KLF12: variants seen among roughly 807,000 people sequenced by gnomAD.
The protein encoded by KLF12 is KLF transcription factor 12.
In KLF12, 9 loss-of-function variants were observed where a neutral mutation model predicts 37.8. That is an observed-to-expected ratio of 0.24 (90% CI 0.14 to 0.42). The LOEUF is 0.42. Ranked by LOEUF, KLF12 falls within the 10% of genes least tolerant of loss-of-function variation. The pLI is 1.00. For synonymous variants in KLF12, 208 were observed against 202.1 expected (o/e 1.03, Z -0.25); for missense variants, 411 against 516.0 (o/e 0.80, Z 1.97).
At chr13:74,131,102 C>G (rs1367321363) in intron 1 of KLF12, among the ~76,000 whole-genome samples, 2 of 152,156 alleles carry the variant, frequency 1.3e-5, no homozygotes, top group African/African-American at 2.4e-5. Flanking sequence ...GGCCTAGAGG[C>G]CTAAGCACTT....
chr13:73,860,660 C>T (rs968289038), intron 3 of KLF12, among the ~76,000 whole-genome samples: 4 of 152,144 alleles, frequency 2.6e-5, no homozygotes, highest in African/African-American at 9.7e-5. Flanking sequence ...AGAAGGATCA[C>T]TTGAGCCCAG....
the KLF12 span, among the ~76,000 whole-genome samples, chr13:74,267,545 G>A: frequency 2.0e-5 from 3 of 152,194 alleles, no homozygotes; most frequent in African/African-American, 7.2e-5. Context: ...TCTCATGGAG[G>A]TAGAGAGTAG....
the KLF12 span, among the ~76,000 whole-genome samples, chr13:74,277,012 G>T: frequency 1.3e-5 from 2 of 152,274 alleles, no homozygotes; most frequent in South Asian, 4.1e-4. Flanking sequence ...TGGGCCTCTG[G>T]TATGTTTCTT....
At chr13:73,707,323 C>G (rs1225756308) in intron 7 of KLF12, among the ~76,000 whole-genome samples, 1 of 152,122 alleles carries the variant, frequency 6.6e-6, no homozygotes, top group Non-Finnish European at 1.5e-5. Flanking sequence ...AAAAAGAAAA[C>G]CTGAGATTCA....
intron 6 of KLF12, among the ~76,000 whole-genome samples, chr13:73,718,308 C>G (rs79017526): frequency 0.013 from 1,945 of 152,276 alleles, 34 homozygotes; most frequent in African/African-American, 0.044. Context: ...TCGGGCAACA[C>G]AGCCCATCAA....
the KLF12 span, among the ~76,000 whole-genome samples, chr13:74,260,138 T>TCA: frequency 2.6e-5 from 4 of 151,472 alleles, no homozygotes; most frequent in Non-Finnish European, 5.9e-5. Context: ...ACACACACAC[T>TCA]CACACACACA....
chr13:73,879,430 CA>C (rs1886874608), intron 3 of KLF12, among the ~76,000 whole-genome samples: 1 of 152,022 alleles, frequency 6.6e-6, no homozygotes, highest in Admixed American at 6.5e-5. Context: ...GAAAACATAA[CA>C]AAAGGTAAGT....
rs189548395 is a variant in KLF12 at position 73,846,290 on chromosome 13, C to T, written c.207G>A (p.Ser69=). The change falls in exon 4 of 8, where the codon TCG becomes TCA. Residue 69 remains serine (S), a synonymous_variant. Coordinates refer to ENST00000377669, the MANE Select transcript of KLF12 (RefSeq NM_007249.5). ...GTGTTTGGAAGTGATCTACAGATAA[C>T]GAGTCCTCCGGGGGCTCCCCTTTCA... 378 of 1,614,040 alleles carry T rather than the reference C, an allele frequency of 2.3e-4. No individual in the cohort carries two copies. Among genetic ancestry groups the T allele is most frequent in the Non-Finnish European group, 3.0e-4 (354 of 1,179,984 alleles).
At chr13:74,170,728 A>G in the KLF12 span, among the ~76,000 whole-genome samples, 3 of 152,234 alleles carry the variant, frequency 2.0e-5, no homozygotes, top group African/African-American at 7.2e-5. Context: ...TGAGAGAGCC[A>G]ATAAATAAAT....
chr13:74,283,315 A>T, the KLF12 span, among the ~76,000 whole-genome samples: 1 of 152,236 alleles, frequency 6.6e-6, no homozygotes, highest in Non-Finnish European at 1.5e-5. Flanking sequence ...ATTACTAAAA[A>T]TACTAGGAAG....
chr13:74,299,353 G>A, the KLF12 span, among the ~76,000 whole-genome samples: 1 of 152,168 alleles, frequency 6.6e-6, no homozygotes, highest in East Asian at 1.9e-4. Context: ...CTCAGGCTTT[G>A]CTGGTGACTT....
chr13:74,135,487 G>A (rs1316427292), upstream of KLF12, among the ~76,000 whole-genome samples: 1 of 151,818 alleles, frequency 6.6e-6, no homozygotes, highest in Non-Finnish European at 1.5e-5. Flanking sequence ...GGGAGAGGGA[G>A]GAGGCGGCCG....
upstream of KLF12, among the ~76,000 whole-genome samples, chr13:74,137,646 T>G (rs1380239989): frequency 6.6e-6 from 1 of 152,236 alleles, no homozygotes; most frequent in Admixed American, 6.5e-5. Flanking sequence ...AATGTAAAAG[T>G]AAGTGTTACC....
At chr13:74,096,771 T>A (rs1876009766) in intron 1 of KLF12, among the ~76,000 whole-genome samples, 1 of 152,168 alleles carries the variant, frequency 6.6e-6, no homozygotes, top group Non-Finnish European at 1.5e-5. Flanking sequence ...AGAAGGGAGA[T>A]ACATAGAATG....
At chr13:74,273,608 A>G in the KLF12 span, among the ~76,000 whole-genome samples, 3 of 152,120 alleles carry the variant, frequency 2.0e-5, no homozygotes, top group Non-Finnish European at 4.4e-5. Flanking sequence ...CAGTAAAAAT[A>G]CCATAATAAA....
chr13:73,960,645 T>G (rs931178641), intron 2 of KLF12, among the ~76,000 whole-genome samples: 3 of 152,176 alleles, frequency 2.0e-5, no homozygotes, highest in African/African-American at 7.2e-5. Context: ...AGTTACAATT[T>G]AACTAATACA....
At chr13:73,827,569 A>AT (rs1883920409) in intron 4 of KLF12, among the ~76,000 whole-genome samples, 1 of 151,906 alleles carries the variant, frequency 6.6e-6, no homozygotes, top group African/African-American at 2.4e-5. Context: ...ATTTTTATTT[A>AT]TTTTTTATTT....
chr13:74,240,496 G>T, the KLF12 span, among the ~76,000 whole-genome samples: 1,832 of 29,244 alleles, frequency 0.063, 97 homozygotes, highest in African/African-American at 0.17. Context: ...GGCCTGCCTT[G>T]CTAGATTGGG....
the KLF12 span, among the ~76,000 whole-genome samples, chr13:74,197,575 G>C: frequency 6.6e-6 from 1 of 152,060 alleles, no homozygotes; most frequent in South Asian, 2.1e-4. Flanking sequence ...GATACTTTTG[G>C]TTCTATATGT....
Sources: gnomAD v4.1 joint callset for allele counts (sites outside exome capture counted in the v4.1 genomes callset) on GRCh38, gnomAD v4.1.1 for gene constraint, MANE v1.5 for transcripts, NCBI Gene and HGNC (gene_info 2026-07-23, HGNC 2026-07-21) for gene names.